The following PRKCA variants were observed in gnomAD, a reference collection of about 807,000 sequenced individuals.
PRKCA encodes the protein protein kinase C alpha type.
In PRKCA, 27 loss-of-function variants were observed where a neutral mutation model predicts 87.0. The observed-to-expected ratio is 0.31, with a 90% CI of 0.23 to 0.43. The LOEUF is 0.43. PRKCA is among the 20% of genes least tolerant of loss of function. The pLI is 1.00. For synonymous variants in PRKCA, 329 were observed against 311.1 expected (o/e 1.06, Z -0.61); for missense variants, 518 against 852.3 (o/e 0.61, Z 4.88).
intron 14 of PRKCA, among the ~76,000 whole-genome samples, chr17:66,778,422 A>G (rs1975115861): frequency 6.6e-6 from 1 of 152,156 alleles, no homozygotes; most frequent in African/African-American, 2.4e-5. Flanking sequence ...AGGCTGAGGC[A>G]GGAGAATGGC....
chr17:66,544,074 G>A (rs188094859), intron 3 of PRKCA, among the ~76,000 whole-genome samples: 15 of 152,212 alleles, frequency 9.9e-5, no homozygotes, highest in East Asian at 9.7e-4. Flanking sequence ...AATTAGCCAC[G>A]TGTGGTGGTG....
At chr17:66,713,688 G>A (rs960534162) in intron 8 of PRKCA, among the ~76,000 whole-genome samples, 6 of 152,152 alleles carry the variant, frequency 3.9e-5, no homozygotes, top group African/African-American at 1.4e-4. Flanking sequence ...GCGTGCCACC[G>A]CTCGCTCACA....
intron 2 of PRKCA, among the ~76,000 whole-genome samples, chr17:66,335,208 A>C (rs989555282): frequency 6.6e-6 from 1 of 152,078 alleles, no homozygotes; most frequent in African/African-American, 2.4e-5. Flanking sequence ...AGCTCATGAC[A>C]TCCTCCATCT....
At chr17:66,451,638 T>A (rs1037298551) in intron 2 of PRKCA, among the ~76,000 whole-genome samples, 7 of 152,250 alleles carry the variant, frequency 4.6e-5, no homozygotes, top group Admixed American at 2.0e-4. Flanking sequence ...GTATTTGCTT[T>A]TCTGGTCAGG....
At chr17:66,654,724 C>T (rs1971687589) in intron 5 of PRKCA, among the ~76,000 whole-genome samples, 1 of 152,198 alleles carries the variant, frequency 6.6e-6, no homozygotes. Context: ...CTGTTGGCAC[C>T]ACTGGGGGTG....
chr17:66,365,854 G>C (rs2143505352), intron 2 of PRKCA, among the ~76,000 whole-genome samples: 1 of 152,266 alleles, frequency 6.6e-6, no homozygotes, highest in Middle Eastern at 3.4e-3. Context: ...CTGAGCCATG[G>C]TTTTTCTTTG....
At chr17:66,793,128 A>T (rs543177084) in intron 16 of PRKCA, among the ~76,000 whole-genome samples, 31 of 152,234 alleles carry the variant, frequency 2.0e-4, no homozygotes, top group African/African-American at 7.0e-4. Context: ...ACACAAAACG[A>T]GCTGGTTTCG....
chr17:66,407,725 A>G (rs544679568), intron 2 of PRKCA, among the ~76,000 whole-genome samples: 1 of 152,266 alleles, frequency 6.6e-6, no homozygotes, highest in Non-Finnish European at 1.5e-5. Flanking sequence ...AAAAAAAAGT[A>G]GATTTCCTTT....
intron 14 of PRKCA, among the ~76,000 whole-genome samples, chr17:66,778,612 C>A (rs1260469394): frequency 6.6e-6 from 1 of 152,040 alleles, no homozygotes; most frequent in Non-Finnish European, 1.5e-5. Context: ...CTTGGGAGGC[C>A]AAGGTGGGTG....
chr17:66,387,574 G>A (rs1293520800), intron 2 of PRKCA, among the ~76,000 whole-genome samples: 1 of 152,178 alleles, frequency 6.6e-6, no homozygotes, highest in Non-Finnish European at 1.5e-5. Flanking sequence ...AGGGGTTCTT[G>A]GGACAAGTGG....
At chr17:66,721,114 G>T (rs113911114) in intron 8 of PRKCA, among the ~76,000 whole-genome samples, 5 of 152,194 alleles carry the variant, frequency 3.3e-5, no homozygotes, top group African/African-American at 1.2e-4. Context: ...ATAAAAGAAT[G>T]GGCCGGGTGC....
chr17:66,346,338 C>T (rs1225744553), intron 2 of PRKCA, among the ~76,000 whole-genome samples: 1 of 151,880 alleles, frequency 6.6e-6, no homozygotes, highest in East Asian at 1.9e-4. Context: ...ACCTAGTGAT[C>T]TGCCCACCTT....
rs1354712763 is a variant in PRKCA, at chr17:66,302,790, G to T, written c.-62G>T. 14 of 509,704 alleles carry T rather than the reference G, an allele frequency of 2.7e-5. No individual in the cohort carries two copies. Among genetic ancestry groups the T allele is most frequent in the East Asian group, 1.3e-4 (1 of 7,720 alleles). The allele number at this position is 509,704 out of a possible 1,614,324, so 31.6% of individuals were successfully genotyped here. ...CCCGCACCTCTCCCCCGCCGCCCCC[G>T]CCCACCCGGCCCTCCGCGGCCGCAG... On this transcript the variant is annotated 5_prime_UTR_variant, in exon 1 of 17. Transcript: ENST00000413366.
intron 10 of PRKCA, among the ~76,000 whole-genome samples, chr17:66,735,923 T>TC (rs1555642807): frequency 1.6e-5 from 2 of 122,816 alleles, no homozygotes; most frequent in African/African-American, 7.5e-5. Flanking sequence ...TTTCTTTCTT[T>TC]TTTTTTTTTT....
chr17:66,715,954 AG>A (rs1160548417), intron 8 of PRKCA, among the ~76,000 whole-genome samples: 3 of 152,352 alleles, frequency 2.0e-5, no homozygotes, highest in Admixed American at 1.3e-4. Flanking sequence ...CACAACAAAC[AG>A]CAATCAACTG....
At chr17:66,563,089 G>A (rs1968767244) in intron 3 of PRKCA, among the ~76,000 whole-genome samples, 1 of 152,140 alleles carries the variant, frequency 6.6e-6, no homozygotes, top group Non-Finnish European at 1.5e-5. Context: ...AAAGTACAGT[G>A]TTCCCTTATA....
intron 16 of PRKCA, chr17:66,796,538 T>C (rs1975673774): frequency 1.1e-5 from 11 of 985,228 alleles, no homozygotes; most frequent in Non-Finnish European, 1.3e-5. Flanking sequence ...ATGAGCAAAC[T>C]AACCCCACTT....
chr17:66,529,381 C>G (rs972287803), intron 3 of PRKCA, among the ~76,000 whole-genome samples: 5 of 152,174 alleles, frequency 3.3e-5, no homozygotes, highest in Non-Finnish European at 7.3e-5. Context: ...CTTCATCTTA[C>G]CTCCAGCACT....
chr17:66,484,410 G>A (rs1915913842), intron 2 of PRKCA, among the ~76,000 whole-genome samples: 1 of 152,200 alleles, frequency 6.6e-6, no homozygotes, highest in Non-Finnish European at 1.5e-5. Flanking sequence ...TGCATTGAGT[G>A]TATGATCAGA....
Sources: allele counts gnomAD v4.1 joint callset (sites outside exome capture counted in the v4.1 genomes callset), GRCh38; gene constraint gnomAD v4.1.1; transcripts MANE v1.5; gene names NCBI Gene and HGNC (gene_info 2026-07-23, HGNC 2026-07-21).